The following LINGO2 variants were observed in gnomAD, a reference collection of about 807,000 sequenced individuals.
LINGO2 encodes the protein leucine rich repeat and Ig domain containing 2.
Under a neutral mutation model 30.6 loss-of-function variants are expected in LINGO2, and 14 were observed. That is an observed-to-expected ratio of 0.46 (90% confidence interval 0.30 to 0.72). The LOEUF (loss-of-function observed/expected upper bound fraction) is 0.72. Among genes scored for constraint, LINGO2 ranks in the 30% least tolerant of loss-of-function variants. LINGO2 has a pLI of 0.07. For missense variants in LINGO2, 729 were observed against 751.7 expected (o/e 0.97, Z 0.35); for synonymous variants, 317 against 288.5 (o/e 1.10, Z -1.00).
At chr9:29,139,072 T>C in the LINGO2 span, among the ~76,000 whole-genome samples, 6 of 152,296 alleles carry the variant, frequency 3.9e-5, no homozygotes, top group African/African-American at 9.6e-5. Flanking sequence ...GCTGCTATTA[T>C]GTGAGCAGCC....
the LINGO2 span, among the ~76,000 whole-genome samples, chr9:29,212,389 C>G: frequency 6.6e-6 from 1 of 151,904 alleles, no homozygotes. Flanking sequence ...AGCAGGCGAC[C>G]TGCGGCGCCC....
intron 2 of LINGO2, among the ~76,000 whole-genome samples, chr9:28,453,024 T>TCAA (rs1369136066): frequency 6.6e-6 from 1 of 151,964 alleles, no homozygotes; most frequent in Non-Finnish European, 1.5e-5. Flanking sequence ...AGCATTAAGA[T>TCAA]CAATGACTCT....
chr9:28,018,502 C>CA (rs1287475657), intron 4 of LINGO2, among the ~76,000 whole-genome samples: 3 of 151,786 alleles, frequency 2.0e-5, no homozygotes, highest in Non-Finnish European at 2.9e-5. Flanking sequence ...AAATAACAAG[C>CA]AAAAAACCAA....
intron 2 of LINGO2, among the ~76,000 whole-genome samples, chr9:28,378,938 A>G (rs12341647): frequency 0.062 from 9,436 of 152,180 alleles, 384 homozygotes; most frequent in East Asian, 0.15. Flanking sequence ...CTGTCAGTAC[A>G]CAGTACATTA....
chr9:29,072,016 T>C, the LINGO2 span, among the ~76,000 whole-genome samples: 3 of 152,144 alleles, frequency 2.0e-5, no homozygotes, highest in African/African-American at 4.8e-5. Context: ...GCTTCTAAAA[T>C]AGAGTGATTA....
At chr9:28,178,952 G>T (rs936823115) in intron 4 of LINGO2, among the ~76,000 whole-genome samples, 1 of 151,980 alleles carries the variant, frequency 6.6e-6, no homozygotes, top group East Asian at 1.9e-4. Context: ...GTTATATCAG[G>T]TTTCACCTCT....
chr9:28,372,339 T>TA (rs1820936704), intron 3 of LINGO2, among the ~76,000 whole-genome samples: 1 of 152,220 alleles, frequency 6.6e-6, no homozygotes, highest in African/African-American at 2.4e-5. Flanking sequence ...CATATTAACA[T>TA]ACATGTTAAA....
chr9:28,265,170 A>AAC (rs34681290), intron 4 of LINGO2, among the ~76,000 whole-genome samples: 30,742 of 150,176 alleles, frequency 0.2, 3,222 homozygotes, highest in Middle Eastern at 0.31. Flanking sequence ...ACAACAACAC[A>AAC]ACACACACAC....
chr9:28,327,508 A>G (rs1018019591), intron 3 of LINGO2, among the ~76,000 whole-genome samples: 17 of 152,218 alleles, frequency 1.1e-4, no homozygotes, highest in Non-Finnish European at 2.4e-4. Context: ...GCTTAGTCCA[A>G]CAGCAGTTCT....
the LINGO2 span, among the ~76,000 whole-genome samples, chr9:28,718,900 C>T: frequency 6.6e-6 from 1 of 152,004 alleles, no homozygotes; most frequent in Non-Finnish European, 1.5e-5. Flanking sequence ...GATCTGCCCC[C>T]TTCTTCTAGG....
the LINGO2 span, among the ~76,000 whole-genome samples, chr9:28,971,973 A>G: frequency 2.6e-5 from 4 of 152,232 alleles, no homozygotes. Context: ...TGTTTGGAAG[A>G]AAGTAAGGGA....
At chr9:28,634,711 GT>G (rs1827174959) in intron 1 of LINGO2, among the ~76,000 whole-genome samples, 1 of 151,764 alleles carries the variant, frequency 6.6e-6, no homozygotes, top group Non-Finnish European at 1.5e-5. Flanking sequence ...GTCTCAAACT[GT>G]TGACCTCAAG....
the LINGO2 span, among the ~76,000 whole-genome samples, chr9:28,868,959 C>A: frequency 6.6e-6 from 1 of 152,044 alleles, no homozygotes; most frequent in South Asian, 2.1e-4. Context: ...GAATTTATAT[C>A]TCGCTGATTT....
In LINGO2 at chr9:28,189,701, G is replaced by GAGGGAGGAAGGAAGGA. The variant is rs1554684595; in HGVS notation, c.-87+105506_-87+105507insTCCTTCCTTCCTCCCT. 1.8e-4 allele frequency among the ~76,000 whole-genome samples: 3 copies of GAGGGAGGAAGGAAGGA among 16,598 alleles called. 1 individual carries two copies. The highest frequency in any genetic ancestry group is 4.4e-4 in the Non-Finnish European group (3 of 6,748). 10.9% of individuals were successfully genotyped at this position (16,598 alleles called of 152,430 possible). ...GAAGGAAGGGAGGAAGGAAGGGAGGGAGGAAGGAAGGAAGGAAGGAAGGTT... is the reference window on the plus strand; with the variant it reads ...GAAGGAAGGGAGGAAGGAAGGGAGGGAGGGAGGAAGGAAGGAAGGAAGGAAGGAAGGAAGGAAGGTT... On this transcript the variant is annotated intron_variant, in intron 4 of 5. Transcript: ENST00000379992.
chr9:28,866,798 T>G, the LINGO2 span, among the ~76,000 whole-genome samples: 1 of 152,198 alleles, frequency 6.6e-6, no homozygotes. Context: ...TGGAGAATTC[T>G]TTTTAATTGG....
Position 28,538,650 on chromosome 9 carries a change from A to ATGTGC in LINGO2, c.-364-62630_-364-62626dup, listed in dbSNP as rs1180092723. Among the ~76,000 whole-genome samples, 7 of 152,172 alleles carry ATGTGC rather than the reference A, an allele frequency of 4.6e-5. 1 individual carries two copies. In the East Asian group the frequency reaches 1.4e-3, roughly 29 times the overall value. On this transcript the variant is annotated intron_variant, in intron 1 of 5. Coordinates refer to ENST00000379992, the Ensembl canonical transcript of LINGO2. The stretch of plus-strand genomic sequence containing the variant: ...CGAAGTCCAAGTTTAAGGTTCTGGC[A>ATGTGC]TGTGCTGAGGGCCTTCTTGCTGTGG...
chr9:28,670,764 T>A (rs368186487), upstream of LINGO2, among the ~76,000 whole-genome samples: 5 of 152,218 alleles, frequency 3.3e-5, no homozygotes, highest in African/African-American at 9.6e-5. Flanking sequence ...TAGGAAATGA[T>A]GGTTATCCAT....
chr9:28,073,514 A>C (rs1350107566), intron 4 of LINGO2, among the ~76,000 whole-genome samples: 3 of 152,158 alleles, frequency 2.0e-5, no homozygotes, highest in Non-Finnish European at 2.9e-5. Context: ...TTAACCCTTT[A>C]AGTCTTGAAA....
intron 3 of LINGO2, among the ~76,000 whole-genome samples, chr9:28,317,352 C>T (rs1824881608): frequency 6.6e-6 from 1 of 152,030 alleles, no homozygotes; most frequent in African/African-American, 2.4e-5. Context: ...AAGATTTCTC[C>T]CTAATTTGTG....
Sources: allele counts gnomAD v4.1 joint callset (sites outside exome capture counted in the v4.1 genomes callset), GRCh38; gene constraint gnomAD v4.1.1; transcripts MANE v1.5; gene names NCBI Gene and HGNC (gene_info 2026-07-23, HGNC 2026-07-21).